PBX1: variants seen among roughly 807,000 people sequenced by gnomAD.
PBX1 encodes PBX homeobox 1, also known as pre-B-cell leukemia transcription factor 1.
In PBX1, 6 loss-of-function variants were observed where a neutral mutation model predicts 53.4. The ratio of observed to expected loss-of-function variants is 0.11; its 90% CI spans 0.06 to 0.22. PBX1 has a LOEUF of 0.22. Ranked by LOEUF, PBX1 falls within the 10% of genes least tolerant of loss-of-function variation. The probability of loss-of-function intolerance (pLI) is 1.00; values close to 1 mark genes in which losing one functional copy is unlikely to be tolerated. For synonymous variants in PBX1, 204 were observed against 212.3 expected (o/e 0.96, Z 0.34); for missense variants, 251 against 551.4 (o/e 0.46, Z 5.46).
At chr1:164,688,346 T>G (rs552067132) in intron 2 of PBX1, among the ~76,000 whole-genome samples, 1 of 152,320 alleles carries the variant, frequency 6.6e-6, no homozygotes, top group African/African-American at 2.4e-5. Flanking sequence ...TGAGTACAGA[T>G]CAATTACAAC....
At chr1:164,672,323 C>T (rs1489264824) in intron 2 of PBX1, among the ~76,000 whole-genome samples, 1 of 152,174 alleles carries the variant, frequency 6.6e-6, no homozygotes, top group Non-Finnish European at 1.5e-5. Context: ...ACATTTAACA[C>T]CCTTCCAGAC....
intron 2 of PBX1, among the ~76,000 whole-genome samples, chr1:164,596,049 G>A (rs1296568454): frequency 6.6e-6 from 1 of 151,100 alleles, no homozygotes; most frequent in Non-Finnish European, 1.5e-5. Flanking sequence ...AAGTAAAAGG[G>A]AAAAATTGGA....
Position 164,740,609 on chromosome 1 carries a change from C to T in PBX1, c.266-51885C>T, listed in dbSNP as rs374950973. ...TGTAGTTAGTATATTTACTGAATAC[C>T]TGATTATGTGCCAGATATTGTGTTA... On this transcript the variant is annotated intron_variant, in intron 2 of 8. Coordinates refer to ENST00000420696, the MANE Select transcript of PBX1 (RefSeq NM_002585.4). Among the ~76,000 whole-genome samples, 44 of 152,082 alleles carry T rather than the reference C, an allele frequency of 2.9e-4. 4 individuals are homozygous for T. The highest frequency in any genetic ancestry group is 1.1e-3 in the African/African-American group (44 of 41,488).
intron 2 of PBX1, among the ~76,000 whole-genome samples, chr1:164,578,914 T>C (rs1329571140): frequency 6.6e-6 from 1 of 152,060 alleles, no homozygotes; most frequent in African/African-American, 2.4e-5. Flanking sequence ...TCTCTTTTGT[T>C]CTCTTCCTCC....
intron 2 of PBX1, among the ~76,000 whole-genome samples, chr1:164,687,395 C>G (rs1416465162): frequency 2.6e-5 from 4 of 151,746 alleles, no homozygotes; most frequent in Non-Finnish European, 4.4e-5. Flanking sequence ...AACCCTGTCT[C>G]TACAAAAAAT....
intron 2 of PBX1, among the ~76,000 whole-genome samples, chr1:164,653,127 A>T (rs1322606344): frequency 6.6e-6 from 1 of 151,952 alleles, no homozygotes; most frequent in Non-Finnish European, 1.5e-5. Flanking sequence ...TCAGCCTCCC[A>T]AAGTGCTGGC....
chr1:164,685,678 A>C (rs951509060), intron 2 of PBX1, among the ~76,000 whole-genome samples: 4 of 152,242 alleles, frequency 2.6e-5, no homozygotes. Context: ...CAATTATTAC[A>C]GCAGTTCTCA....
Position 164,775,708 on chromosome 1 carries a change from A to C in PBX1, c.266-16786A>C, listed in dbSNP as rs368875687. Among the ~76,000 whole-genome samples the C allele has an allele frequency of 3.3e-5, 5 of 152,198 alleles. No individual in the cohort carries two copies. The South Asian group carries it at 6.2e-4, about 19-fold the overall frequency. ...CTTTTGCGGGGTATTTTGTCCCCAG[A>C]TGCAGAGCTGAGGTTCTGCTTAATA... On this transcript the variant is annotated intron_variant, in intron 2 of 8. Coordinates refer to ENST00000420696, the MANE Select transcript of PBX1 (RefSeq NM_002585.4).
At chr1:164,745,647 A>G (rs1665852963) in intron 2 of PBX1, among the ~76,000 whole-genome samples, 1 of 152,208 alleles carries the variant, frequency 6.6e-6, no homozygotes, top group African/African-American at 2.4e-5. Flanking sequence ...TAATAAACCT[A>G]GTCAACCAGC....
At chr1:164,831,317 C>T (rs2102389154) in intron 8 of PBX1, among the ~76,000 whole-genome samples, 1 of 152,214 alleles carries the variant, frequency 6.6e-6, no homozygotes, top group Middle Eastern at 3.4e-3. Context: ...CAGGATTTTT[C>T]TCTTCTGGAA....
chr1:164,833,785 T>C (rs1670886563), intron 8 of PBX1, among the ~76,000 whole-genome samples: 1 of 152,048 alleles, frequency 6.6e-6, no homozygotes, highest in African/African-American at 2.4e-5. Context: ...CAGCAACCGG[T>C]CTATTCTGAC....
chr1:164,732,376 T>A (rs752261853), intron 2 of PBX1, among the ~76,000 whole-genome samples: 31 of 152,164 alleles, frequency 2.0e-4, no homozygotes, highest in Non-Finnish European at 4.1e-4. Flanking sequence ...CAGTTAATGT[T>A]TTCACTTTTT....
intron 2 of PBX1, chr1:164,652,063 A>G (rs1659860505): frequency 6.7e-6 from 1 of 150,064 alleles, no homozygotes; most frequent in Admixed American, 6.7e-5. Flanking sequence ...AGAGGAAATC[A>G]TCACTTTTTT....
intron 5 of PBX1, among the ~76,000 whole-genome samples, chr1:164,811,721 T>C (rs1050617775): frequency 2.6e-5 from 4 of 152,200 alleles, no homozygotes; most frequent in Non-Finnish European, 4.4e-5. Context: ...TTAAAAGGGT[T>C]CTAGCTTAAA....
At chr1:164,862,631 T>A (rs143534210) in intron 2 of PBX1, among the ~76,000 whole-genome samples, 285 of 152,272 alleles carry the variant, frequency 1.9e-3, no homozygotes, top group Middle Eastern at 6.8e-3. Context: ...CAAACCACCA[T>A]GGGCTGGAGA....
chr1:164,722,993 A>T (rs1011585740), intron 2 of PBX1, among the ~76,000 whole-genome samples: 1 of 152,184 alleles, frequency 6.6e-6, no homozygotes, highest in Non-Finnish European at 1.5e-5. Flanking sequence ...GGTTTGCAGA[A>T]ATGGTGAACT....
rs1401791742 is a variant in PBX1, at chr1:164,650,229, C to CTT, written c.265+86934_265+86935dup. On this transcript the variant is annotated intron_variant, in intron 2 of 8. Transcript: ENST00000420696. ...GTAAAGAGAGACTTTTTCTTTGCTA[C>CTT]TTTTTTTTTTTTTTTTTGAGATGGA... Among the ~76,000 whole-genome samples, 645 of 129,684 alleles carry CTT rather than the reference C, an allele frequency of 5.0e-3. 3 individuals are homozygous for CTT. The highest frequency in any genetic ancestry group is 0.02 in the African/African-American group (589 of 29,278). 85.1% of individuals were successfully genotyped at this position (129,684 alleles called of 152,430 possible).
intron 2 of PBX1, among the ~76,000 whole-genome samples, chr1:164,708,611 C>T (rs1027684575): frequency 2.0e-5 from 3 of 152,098 alleles, no homozygotes; most frequent in Admixed American, 6.6e-5. Flanking sequence ...TCATGTATAC[C>T]CATTGTTTAG....
At chr1:164,870,440 G>A (rs187084220) in intron 2 of PBX1, among the ~76,000 whole-genome samples, 3 of 151,678 alleles carry the variant, frequency 2.0e-5, no homozygotes, top group African/African-American at 7.3e-5. Flanking sequence ...TGCCTCCTGG[G>A]TTCAAGCAAT....
Sources: gnomAD v4.1 joint callset for allele counts (sites outside exome capture counted in the v4.1 genomes callset) on GRCh38, gnomAD v4.1.1 for gene constraint, MANE v1.5 for transcripts, NCBI Gene and HGNC (gene_info 2026-07-23, HGNC 2026-07-21) for gene names.